The following UBE2F variants were observed in gnomAD, a reference collection of about 807,000 sequenced individuals.
The protein encoded by UBE2F is ubiquitin conjugating enzyme E2 F (putative), also known as NEDD8-conjugating enzyme UBE2F.
UBE2F carries 5 observed loss-of-function variants against 29.6 expected under a neutral mutation model. The observed-to-expected ratio is 0.17, with a 90% CI of 0.09 to 0.36. The LOEUF (loss-of-function observed/expected upper bound fraction) is 0.36, where lower values mean the gene tolerates loss of function less well. Among genes scored for constraint, UBE2F ranks in the 10% least tolerant of loss-of-function variants. The pLI is 1.00. For synonymous variants in UBE2F, 66 were observed against 81.8 expected, an observed-to-expected ratio of 0.81 and a Z score of 1.04; for missense variants, 141 against 228.5, an observed-to-expected ratio of 0.62 and a Z score of 2.47.
Position 237,991,609 on chromosome 2 carries a change from C to CTTTTTTTTTTTT in UBE2F, c.149-3133_149-3122dup, listed in dbSNP as rs774476848. ...AACCTTTCTTTTCTTTTCTTTCTTT[C>CTTTTTTTTTTTT]TTTTTTTTTTTTTGAGACAGTCTTG... On this transcript the variant is annotated intron_variant, in intron 3 of 9. Coordinates refer to ENST00000272930, the MANE Select transcript of UBE2F (RefSeq NM_080678.3). Among the ~76,000 whole-genome samples, 33 of 53,014 alleles carry CTTTTTTTTTTTT rather than the reference C, an allele frequency of 6.2e-4. 1 individual carries two copies. Among genetic ancestry groups the CTTTTTTTTTTTT allele is most frequent in the African/African-American group, 1.9e-3 (27 of 14,354 alleles). 34.8% of individuals were successfully genotyped at this position (53,014 alleles called of 152,430 possible).
At chr2:238,015,076 G>A (rs1260994587) in intron 4 of UBE2F, among the ~76,000 whole-genome samples, 2 of 152,230 alleles carry the variant, frequency 1.3e-5, no homozygotes, top group Non-Finnish European at 2.9e-5. Flanking sequence ...GAATGAATGA[G>A]CTGATTAAAT....
chr2:238,018,366 A>G (rs2064212327), intron 5 of UBE2F, among the ~76,000 whole-genome samples: 1 of 152,182 alleles, frequency 6.6e-6, no homozygotes, highest in Non-Finnish European at 1.5e-5. Context: ...TTTCCAGACA[A>G]GTCGTGAGGC....
intron 4 of UBE2F, among the ~76,000 whole-genome samples, chr2:238,006,056 T>C (rs2063897451): frequency 6.6e-6 from 1 of 152,142 alleles, no homozygotes; most frequent in Non-Finnish European, 1.5e-5. Flanking sequence ...TGAGGCCAGG[T>C]AATTTGTGAA....
chr2:237,977,353 C>T (rs1288036593), intron 2 of UBE2F, among the ~76,000 whole-genome samples: 4 of 152,244 alleles, frequency 2.6e-5, no homozygotes, highest in Non-Finnish European at 1.5e-5. Context: ...GGCAGTAGAA[C>T]TCAGTGTAAC....
chr2:237,997,595 A>C (rs1054850224), intron 4 of UBE2F, among the ~76,000 whole-genome samples: 19 of 152,192 alleles, frequency 1.2e-4, no homozygotes, highest in African/African-American at 4.3e-4. Context: ...TTTGAAATGG[A>C]CTCATTTGTA....
chr2:238,017,438 A>G (rs2064183088), intron 5 of UBE2F, among the ~76,000 whole-genome samples: 1 of 152,210 alleles, frequency 6.6e-6, no homozygotes, highest in Non-Finnish European at 1.5e-5. Context: ...AGATAGGGCC[A>G]GGTCAACTCG....
intron 2 of UBE2F, chr2:237,973,544 C>A: frequency 1.7e-6 from 1 of 605,578 alleles, no homozygotes; most frequent in Non-Finnish European, 2.7e-6. Context: ...TCAGAGCTGC[C>A]ATTATCTTCC....
intron 4 of UBE2F, among the ~76,000 whole-genome samples, chr2:238,015,030 GAA>G (rs948972073): frequency 6.6e-6 from 1 of 151,764 alleles, no homozygotes; most frequent in Non-Finnish European, 1.5e-5. Context: ...AACCAGTTAG[GAA>G]AAAAAATACG....
At chr2:238,018,545 C>G (rs1020731910) in intron 5 of UBE2F, among the ~76,000 whole-genome samples, 3 of 152,068 alleles carry the variant, frequency 2.0e-5, no homozygotes, top group Admixed American at 2.0e-4. Flanking sequence ...TTTCATTCTT[C>G]TGATGGTTCA....
chr2:238,026,732 C>G (rs1030835369), intron 6 of UBE2F, among the ~76,000 whole-genome samples: 1 of 152,152 alleles, frequency 6.6e-6, no homozygotes, highest in Admixed American at 6.5e-5. Context: ...CGCGCCGGGC[C>G]GGATGCCTTT....
chr2:238,017,046 C>T (rs1409830461), intron 5 of UBE2F, among the ~76,000 whole-genome samples: 1 of 152,050 alleles, frequency 6.6e-6, no homozygotes, highest in African/African-American at 2.4e-5. Context: ...TAATTTATAC[C>T]TATAGTTTCA....
At chr2:237,969,074 A>G (rs1196418963) in intron 1 of UBE2F, among the ~76,000 whole-genome samples, 5 of 152,230 alleles carry the variant, frequency 3.3e-5, no homozygotes, top group South Asian at 2.1e-4. Flanking sequence ...GATGGTCACT[A>G]TATTAGATTT....
chr2:237,977,613 C>T (rs1458755108), intron 2 of UBE2F, among the ~76,000 whole-genome samples: 2 of 152,166 alleles, frequency 1.3e-5, no homozygotes, highest in East Asian at 1.9e-4. Context: ...TGGTGGCAGT[C>T]TGGCCTTCTA....
intron 4 of UBE2F, among the ~76,000 whole-genome samples, chr2:237,998,048 C>T (rs1187584148): frequency 6.6e-6 from 1 of 152,130 alleles, no homozygotes; most frequent in Non-Finnish European, 1.5e-5. Flanking sequence ...GTCACCTCAG[C>T]CTGCCCTGCT....
At chr2:238,025,601 G>A (rs889393493) in intron 6 of UBE2F, among the ~76,000 whole-genome samples, 189 bp downstream of exon 6, 8 of 152,292 alleles carry the variant, frequency 5.3e-5, no homozygotes, top group African/African-American at 1.4e-4. Flanking sequence ...GCCTCCAGAC[G>A]AGTGTCTTCT....
chr2:238,014,322 T>C (rs2064107778), intron 4 of UBE2F, among the ~76,000 whole-genome samples: 1 of 152,224 alleles, frequency 6.6e-6, no homozygotes, highest in South Asian at 2.1e-4. Context: ...GAGCAGATCA[T>C]TTTCCTGAGA....
At chr2:237,989,571 T>C (rs1320986576) in intron 3 of UBE2F, among the ~76,000 whole-genome samples, 1 of 152,026 alleles carries the variant, frequency 6.6e-6, no homozygotes, top group East Asian at 2.0e-4. Flanking sequence ...CAGGCTGGTC[T>C]CAAACTCTTG....
intron 3 of UBE2F, among the ~76,000 whole-genome samples, chr2:237,991,613 T>C (rs201955665): frequency 4.1e-3 from 33 of 8,108 alleles, no homozygotes; most frequent in Non-Finnish European, 4.4e-3. Flanking sequence ...TTCTTTCTTT[T>C]TTTTTTTTTG....
At chr2:238,015,061 T>C (rs1275981159) in intron 4 of UBE2F, among the ~76,000 whole-genome samples, 2 of 152,184 alleles carry the variant, frequency 1.3e-5, no homozygotes, top group Non-Finnish European at 2.9e-5. Flanking sequence ...CTGCAATCAG[T>C]TGATGAATGA....
Sources: gnomAD v4.1 joint callset for allele counts (sites outside exome capture counted in the v4.1 genomes callset) on GRCh38, gnomAD v4.1.1 for gene constraint, MANE v1.5 for transcripts, NCBI Gene and HGNC (gene_info 2026-07-23, HGNC 2026-07-21) for gene names.